The following CSMD1 variants were observed in gnomAD, a reference collection of about 807,000 sequenced individuals.
The protein encoded by CSMD1 is CUB and sushi domain-containing protein 1.
In CSMD1, 213 loss-of-function variants were observed where a neutral mutation model predicts 417.5. That is an observed-to-expected ratio of 0.51 (90% CI 0.46 to 0.57). The LOEUF is 0.57. CSMD1 is among the 20% of genes least tolerant of loss of function. The pLI is 0.00. For synonymous variants in CSMD1, 2,862 were observed against 1,736.8 expected (o/e 1.65, Z -16.11); for missense variants, 6,923 against 4,529.7 (o/e 1.53, Z -15.17).
chr8:3,886,559 C>T lies in CSMD1; in HGVS notation c.818+111344G>A, dbSNP rs182178401. 5.9e-5 allele frequency among the ~76,000 whole-genome samples: 9 copies of T among 152,300 alleles called. No individual in the cohort carries two copies. The East Asian group carries it at 1.5e-3, about 26-fold the overall frequency. On this transcript the variant is annotated intron_variant, in intron 5 of 69. Transcript: ENST00000635120. Reference sequence around the variant, plus strand: ...CATGGACAGCACTTTAATGACGAAGCGTGGCTGTGTTGCAGGAAAAGTTTA... The same window carrying T: ...CATGGACAGCACTTTAATGACGAAGTGTGGCTGTGTTGCAGGAAAAGTTTA...
intron 1 of CSMD1, among the ~76,000 whole-genome samples, chr8:4,739,856 T>C (rs139482819): frequency 6.6e-6 from 1 of 152,276 alleles, no homozygotes; most frequent in African/African-American, 2.4e-5. Flanking sequence ...CCGTTCCTAC[T>C]CTTCCCAGAG....
chr8:4,073,355 A>T (rs981010190), intron 3 of CSMD1, among the ~76,000 whole-genome samples: 1 of 152,198 alleles, frequency 6.6e-6, no homozygotes, highest in Non-Finnish European at 1.5e-5. Flanking sequence ...TCTTAGTCAC[A>T]TAAGAGCAAG....
intron 5 of CSMD1, among the ~76,000 whole-genome samples, chr8:3,772,167 C>CAT (rs375018980): frequency 0.043 from 1,918 of 44,828 alleles, 252 homozygotes; most frequent in African/African-American, 0.1. Context: ...GAAAGGGCAA[C>CAT]ATATATATAT....
At chr8:3,005,417 T>C (rs566549465) in intron 52 of CSMD1, among the ~76,000 whole-genome samples, 1 of 152,278 alleles carries the variant, frequency 6.6e-6, no homozygotes, top group South Asian at 2.1e-4. Flanking sequence ...CCCTAACTCA[T>C]TTTATGAGGC....
chr8:3,684,699 G>A lies in CSMD1; in HGVS notation c.1009+23715C>T, dbSNP rs186898069. Among the ~76,000 whole-genome samples the A allele has an allele frequency of 2.7e-4, 41 of 149,224 alleles. 1 individual carries two copies. The highest frequency in any genetic ancestry group is 2.4e-3 in the Admixed American group (36 of 14,714). ...TGCTAGCTCCGCCTCGCAGGTTCAC[G>A]CCATTCTCCTGCCTCAGCCTCCAGA... On this transcript the variant is annotated intron_variant, in intron 7 of 69. Transcript: ENST00000635120.
At chr8:4,402,878 G>T (rs751582352) in intron 3 of CSMD1, among the ~76,000 whole-genome samples, 1 of 142,112 alleles carries the variant, frequency 7.0e-6, no homozygotes, top group Admixed American at 7.3e-5. Flanking sequence ...GGAGTGCAGC[G>T]GCGCAATCTG....
At chr8:3,610,269 G>A (rs1329623427) in intron 8 of CSMD1, among the ~76,000 whole-genome samples, 1 of 152,146 alleles carries the variant, frequency 6.6e-6, no homozygotes, top group Admixed American at 6.5e-5. Context: ...GCTGGGCACG[G>A]TATCAGTAAT....
chr8:3,690,146 C>G (rs1283125133), intron 7 of CSMD1, among the ~76,000 whole-genome samples: 2 of 152,130 alleles, frequency 1.3e-5, no homozygotes, highest in East Asian at 3.9e-4. Context: ...ATCACTTAAG[C>G]CCAGGAGTTT....
At chr8:4,001,952 T>C (rs961652401) in intron 4 of CSMD1, among the ~76,000 whole-genome samples, 1 of 152,166 alleles carries the variant, frequency 6.6e-6, no homozygotes, top group Non-Finnish European at 1.5e-5. Context: ...GATATGTTAA[T>C]GTCCATAGAA....
chr8:4,106,152 G>A (rs1274592602), intron 3 of CSMD1, among the ~76,000 whole-genome samples: 2 of 152,146 alleles, frequency 1.3e-5, no homozygotes, highest in African/African-American at 2.4e-5. Context: ...ATGTTTCTCT[G>A]GTGAGTACAG....
chr8:3,771,854 G>A (rs1228652309), intron 5 of CSMD1, among the ~76,000 whole-genome samples: 1 of 152,024 alleles, frequency 6.6e-6, no homozygotes, highest in Non-Finnish European at 1.5e-5. Flanking sequence ...CCTTGTCCTT[G>A]CTTTGCCCAC....
intron 49 of CSMD1, among the ~76,000 whole-genome samples, chr8:3,057,277 G>C (rs1458714455): frequency 6.6e-6 from 1 of 152,098 alleles, no homozygotes; most frequent in African/African-American, 2.4e-5. Flanking sequence ...AATTTGAATT[G>C]TGTAAGTTAA....
chr8:3,273,510 C>A (rs1011458435), intron 26 of CSMD1, among the ~76,000 whole-genome samples: 6 of 152,172 alleles, frequency 3.9e-5, no homozygotes, highest in Non-Finnish European at 7.3e-5. Context: ...AGGAATGGTA[C>A]AAATTCCTCC....
chr8:3,272,677 T>G (rs1247789910), intron 26 of CSMD1, among the ~76,000 whole-genome samples: 1 of 139,530 alleles, frequency 7.2e-6, no homozygotes, highest in Non-Finnish European at 1.6e-5. Context: ...CTAGGTATTT[T>G]ATTCTCTTCG....
At chr8:4,709,382 T>G (rs529299055) in intron 1 of CSMD1, among the ~76,000 whole-genome samples, 31 of 152,074 alleles carry the variant, frequency 2.0e-4, no homozygotes, top group Non-Finnish European at 4.1e-4. Flanking sequence ...GTGCAGCAAT[T>G]TGGAGCCAAG....
rs142646080 is a variant in CSMD1, at chr8:4,881,796, G to A, written c.85+112536C>T. Among the ~76,000 whole-genome samples the A allele has an allele frequency of 6.6e-5, 10 of 152,008 alleles. No homozygotes were observed. In the East Asian group the frequency reaches 1.9e-3, roughly 29 times the overall value. On this transcript the variant is annotated intron_variant, in intron 1 of 69. Transcript: ENST00000635120. ...CAGCATTTTATTCACAAACTGCATG[G>A]AATAAGATGATTTGGGCCTATAAGT...
At chr8:4,954,045 G>C (rs1808917887) in intron 1 of CSMD1, among the ~76,000 whole-genome samples, 1 of 152,054 alleles carries the variant, frequency 6.6e-6, no homozygotes, top group Non-Finnish European at 1.5e-5. Context: ...AAAGAATTGA[G>C]TGCTTTTCTT....
At chr8:4,137,173 C>T (rs931425219) in intron 3 of CSMD1, among the ~76,000 whole-genome samples, 1 of 152,178 alleles carries the variant, frequency 6.6e-6, no homozygotes, top group Non-Finnish European at 1.5e-5. Flanking sequence ...CCATTTCCTC[C>T]TACCTAATAG....
chr8:4,134,450 G>C (rs1445904528), intron 3 of CSMD1, among the ~76,000 whole-genome samples: 1 of 152,132 alleles, frequency 6.6e-6, no homozygotes, highest in Non-Finnish European at 1.5e-5. Flanking sequence ...AAGCCAAAGA[G>C]AAAGACCTGA....
Sources: gnomAD v4.1 joint callset for allele counts (sites outside exome capture counted in the v4.1 genomes callset) on GRCh38, gnomAD v4.1.1 for gene constraint, MANE v1.5 for transcripts, NCBI Gene and HGNC (gene_info 2026-07-23, HGNC 2026-07-21) for gene names.